SLC46A3: variants seen among roughly 807,000 people sequenced by gnomAD.
The protein encoded by SLC46A3 is solute carrier family 46 member 3, also known as lysosomal proton-coupled steroid conjugate and bile acid symporter SLC46A3.
Under a neutral mutation model 38.5 loss-of-function variants are expected in SLC46A3, and 26 were observed. That is an observed-to-expected ratio of 0.68 (90% confidence interval 0.49 to 0.94). SLC46A3 has a LOEUF of 0.94. Among genes scored for constraint, SLC46A3 ranks in the 40% least tolerant of loss-of-function variants. The pLI, the probability that SLC46A3 is intolerant of heterozygous loss-of-function variation, is 0.00. For missense variants in SLC46A3, 510 were observed against 544.3 expected (o/e 0.94, Z 0.63); for synonymous variants, 185 against 192.5 (o/e 0.96, Z 0.32).
chr13:28,710,549 G>A (rs932878160), intron 4 of SLC46A3, among the ~76,000 whole-genome samples: 10 of 152,348 alleles, frequency 6.6e-5, no homozygotes, highest in African/African-American at 2.2e-4. Flanking sequence ...ACGGCCCAGA[G>A]CCGAGGGAGC....
At position 28,717,907 on chromosome 13, in the gene SLC46A3, C is replaced by A; in HGVS notation, c.92G>T (p.Arg31Ile). Residue 31 changes from arginine (R) to isoleucine (I), a missense_variant, in exon 2 of 6, where the codon AGA becomes ATA. Transcript: ENST00000266943. Reference protein sequence around the residue: ...GPLTTQYVYRRIWEETGNYTF... With the variant: ...GPLTTQYVYRIIWEETGNYTF... The stretch of plus-strand genomic sequence containing the variant: ...GTAGTTGCCAGTTTCTTCCCATATT[C>A]TCCGATAAACATATTGCGTTGTCAG... 1 of 1,614,126 alleles carries A rather than the reference C, an allele frequency of 6.2e-7. No individual in the cohort carries two copies. Among genetic ancestry groups the A allele is most frequent in the Non-Finnish European group, 8.5e-7 (1 of 1,180,008 alleles).
chr13:28,717,485 C>CT lies in SLC46A3; in HGVS notation c.189+324dup, dbSNP rs56878379. On this transcript the variant is annotated intron_variant, in intron 2 of 5. Coordinates refer to ENST00000266943, the MANE Select transcript of SLC46A3 (RefSeq NM_181785.4). ...AGCCTGCCCTGCCCCAATTTTCAGA[C>CT]TTTTTTTTTTTTTTTTTTTTTTTTT... is the stretch of plus-strand genomic sequence containing the variant. Among the ~76,000 whole-genome samples, 117 of 126,900 alleles carry CT rather than the reference C, an allele frequency of 9.2e-4. 1 individual carries two copies. Among genetic ancestry groups the CT allele is most frequent in the African/African-American group, 3.5e-3 (113 of 32,708 alleles). The allele number at this position is 126,900 out of a possible 152,430, so 83.3% of individuals were successfully genotyped here.
chr13:28,704,330 G>T, intron 4 of SLC46A3: 1 of 467,370 alleles, frequency 2.1e-6, no homozygotes, highest in South Asian at 3.0e-5. Flanking sequence ...GAGAGATGTT[G>T]GAAACTCCAA....
intron 5 of SLC46A3, 108 bp from the exon 6 acceptor site, chr13:28,701,689 C>A: frequency 1.0e-6 from 1 of 992,446 alleles, no homozygotes; most frequent in South Asian, 1.6e-5. Context: ...ATAAATTATG[C>A]AGATTATTAG....
At position 28,701,052 on chromosome 13, in the gene SLC46A3, C is replaced by A; in HGVS notation, c.*445G>T. 6.7e-7 allele frequency: 1 copy of A among 1,502,762 alleles called. No individual in the cohort carries two copies. The highest frequency in any genetic ancestry group is 1.3e-5 in the South Asian group (1 of 76,246). The allele number at this position is 1,502,762 out of a possible 1,614,324, so 93.1% of individuals were successfully genotyped here. A position where few individuals can be genotyped will look rare whatever the true frequency, so the allele number is the denominator to read the frequency against. ...CCAATGAGTGATTCATCATAATTTT[C>A]ATTATGCCTTCAAAATTATCCCTGA... On this transcript the variant is annotated 3_prime_UTR_variant, in exon 6 of 6. Transcript: ENST00000266943.
intron 2 of SLC46A3, among the ~76,000 whole-genome samples, chr13:28,715,672 G>A (rs1885509145): frequency 6.6e-6 from 1 of 152,140 alleles, no homozygotes; most frequent in African/African-American, 2.4e-5. Context: ...ACAGTAATAT[G>A]TTATATAGTT....
chr13:28,708,361 A>G (rs1885237553), intron 4 of SLC46A3, among the ~76,000 whole-genome samples: 1 of 151,770 alleles, frequency 6.6e-6, no homozygotes, highest in Non-Finnish European at 1.5e-5. Flanking sequence ...ACCCCAGCCC[A>G]CTCTGTGGTT....
At chr13:28,703,776 C>A in intron 5 of SLC46A3, 167 bp downstream of exon 5, 2 of 462,890 alleles carry the variant, frequency 4.3e-6, no homozygotes. Flanking sequence ...TGTGTCATTC[C>A]AATTTTGTAT....
rs1322198755 is a variant in SLC46A3, at chr13:28,717,484, A to AATTTTTTTTTTTTTTT, written c.189+325_189+326insAAAAAAAAAAAAAAAT. ...CAGCCTGCCCTGCCCCAATTTTCAG[A>AATTTTTTTTTTTTTTT]CTTTTTTTTTTTTTTTTTTTTTTTT... is the stretch of plus-strand genomic sequence containing the variant. On this transcript the variant is annotated intron_variant, in intron 2 of 5. Coordinates refer to ENST00000266943, the MANE Select transcript of SLC46A3 (RefSeq NM_181785.4). 5.6e-3 allele frequency among the ~76,000 whole-genome samples: 527 copies of AATTTTTTTTTTTTTTT among 93,888 alleles called. 70 individuals are homozygous for AATTTTTTTTTTTTTTT. The highest frequency in any genetic ancestry group is 0.016 in the Middle Eastern group (3 of 184). 61.6% of individuals were successfully genotyped at this position (93,888 alleles called of 152,430 possible). A position where few individuals can be genotyped will look rare whatever the true frequency, so the allele number is the denominator to read the frequency against.
chr13:28,700,794 T>A lies in SLC46A3; in HGVS notation c.*703A>T. On this transcript the variant is annotated 3_prime_UTR_variant, in exon 6 of 6. Transcript: ENST00000266943. The stretch of plus-strand genomic sequence containing the variant: ...TTACATATAGAAATATTATCATGCC[T>A]GTCACCGATGAAACATATTAAGAAA... The A allele has an allele frequency of 1.8e-6, 1 of 559,308 alleles. No homozygotes were observed. Among genetic ancestry groups the A allele is most frequent in the Middle Eastern group, 4.8e-4 (1 of 2,074 alleles). The allele number at this position is 559,308 out of a possible 1,614,324, so 34.6% of individuals were successfully genotyped here.
rs200663344 is a variant in SLC46A3 at position 28,703,684 on chromosome 13, T to TA, written c.1301+258dup. ...CATGACCGGTTCTCTTTTTTTTAATTAAAAAAATTTATTTTATTAAAATAT... is the reference window on the plus strand; with the variant it reads ...CATGACCGGTTCTCTTTTTTTTAATTAAAAAAAATTTATTTTATTAAAATAT... On this transcript the variant is annotated intron_variant, in intron 5 of 5. Transcript: ENST00000266943. 1,286 of 210,366 alleles carry TA rather than the reference T, an allele frequency of 6.1e-3. 16 individuals are homozygous for TA. The highest frequency in any genetic ancestry group is 0.028 in the African/African-American group (1,216 of 43,670). 13.0% of individuals were successfully genotyped at this position (210,366 alleles called of 1,614,324 possible). A position where few individuals can be genotyped will look rare whatever the true frequency, so the allele number is the denominator to read the frequency against.
intron 4 of SLC46A3, among the ~76,000 whole-genome samples, chr13:28,705,972 T>G (rs1248938417): frequency 6.6e-6 from 1 of 152,328 alleles, no homozygotes; most frequent in East Asian, 1.9e-4. Context: ...TGAAGTAGCT[T>G]TAGCTTATTG....
chr13:28,711,823 T>G (rs1022754611), intron 3 of SLC46A3, among the ~76,000 whole-genome samples: 5 of 152,224 alleles, frequency 3.3e-5, no homozygotes, highest in African/African-American at 4.8e-5. Flanking sequence ...AACTGGCTAT[T>G]ATTGAATAGT....
At chr13:28,716,694 G>A (rs908813099) in intron 2 of SLC46A3, among the ~76,000 whole-genome samples, 15 of 152,024 alleles carry the variant, frequency 9.9e-5, no homozygotes, top group African/African-American at 3.6e-4. Context: ...CCATGGGAAT[G>A]AGGAAATGAG....
Position 28,713,562 on chromosome 13 carries a change from TATA to T in SLC46A3, c.190-15_190-13del. 2 of 1,595,920 alleles carry T rather than the reference TATA, an allele frequency of 1.3e-6. No homozygotes were observed. The highest frequency in any genetic ancestry group is 8.5e-7 in the Non-Finnish European group (1 of 1,169,772). ...TTTTTCTGAACTTCCTGCAAAGAAATATAAAGAAGACAATGTGTTTACAGTAGT... is the reference window on the plus strand; with the variant it reads ...TTTTTCTGAACTTCCTGCAAAGAAATAAGAAGACAATGTGTTTACAGTAGT... On this transcript the variant is annotated splice_polypyrimidine_tract_variant and intron_variant, in intron 2 of 5. Transcript: ENST00000266943.
intron 3 of SLC46A3, among the ~76,000 whole-genome samples, chr13:28,711,384 A>G (rs984823037): frequency 2.0e-5 from 3 of 151,556 alleles, no homozygotes; most frequent in Non-Finnish European, 4.4e-5. Context: ...AGATCATGCC[A>G]CTGCACTCCA....
chr13:28,713,460 T>C lies in SLC46A3; in HGVS notation c.280A>G (p.Ile94Val), dbSNP rs771294912. The C allele has an allele frequency of 8.7e-6, 14 of 1,614,112 alleles. No individual in the cohort carries two copies. In the East Asian group the frequency reaches 2.2e-4, roughly 26 times the overall value. ...AATTTTCGTCCGTAGTGATCACTAA[T>C]AGACAAAAGTATGAATGTAGACACT... Reference protein sequence around the residue: ...GLVSTFILLSISDHYGRKFPM... With the variant: ...GLVSTFILLSVSDHYGRKFPM... The change falls in exon 3 of 6, where the codon ATT becomes GTT. Residue 94 changes from isoleucine to valine, a missense_variant. Transcript: ENST00000266943.
chr13:28,713,425 A>G lies in SLC46A3; in HGVS notation c.315T>C (p.Ile105=), dbSNP rs2098223802. The G allele has an allele frequency of 1.9e-6, 3 of 1,613,986 alleles. No homozygotes were observed. Among genetic ancestry groups the G allele is most frequent in the Non-Finnish European group, 2.5e-6 (3 of 1,180,028 alleles). The part of the protein sequence containing the change: ...SDHYGRKFPM[I]LSSVGALATS... ...TTGCAAGAGCACCAACGGAAGACAAAATCATAGGGAATTTTCGTCCGTAGT... is the reference window on the plus strand; with the variant it reads ...TTGCAAGAGCACCAACGGAAGACAAGATCATAGGGAATTTTCGTCCGTAGT... Residue 105 remains isoleucine, a synonymous_variant, in exon 3 of 6, where the codon ATT becomes ATC. Transcript: ENST00000266943.
chr13:28,714,194 T>C (rs1885456089), intron 2 of SLC46A3, among the ~76,000 whole-genome samples: 1 of 113,760 alleles, frequency 8.8e-6, no homozygotes. Context: ...GTTGCCCTTA[T>C]TTTTTTTTTT....
Sources: gnomAD v4.1 joint callset for allele counts (sites outside exome capture counted in the v4.1 genomes callset) on GRCh38, gnomAD v4.1.1 for gene constraint, MANE v1.5 for transcripts, NCBI Gene and HGNC (gene_info 2026-07-23, HGNC 2026-07-21) for gene names.